Variants in ZNF487 observed in about 807,000 individuals in gnomAD.
ZNF487 encodes KRAB domain only 1.
A neutral mutation model predicts 3.0 loss-of-function variants in ZNF487; 4 were observed. The ratio of observed to expected loss-of-function variants is 1.35; its 90% CI spans 0.66 to 3.08. The LOEUF is 3.08. ZNF487 is among the 30% of genes most tolerant of loss of function. ZNF487 has a pLI of 0.01. For missense variants in ZNF487, 146 were observed against 98.7 expected, an observed-to-expected ratio of 1.48 and a Z score of -2.03; for synonymous variants, 55 against 34.6, an observed-to-expected ratio of 1.59 and a Z score of -2.06.
At chr10:43,490,398 A>T in the ZNF487 span, among the ~76,000 whole-genome samples, 1 of 150,378 alleles carries the variant, frequency 6.6e-6, no homozygotes, top group Non-Finnish European at 1.5e-5. Context: ...ACAAACAAAC[A>T]GATTTTCTCC....
the ZNF487 span, among the ~76,000 whole-genome samples, chr10:43,512,248 G>A: frequency 6.6e-6 from 1 of 152,214 alleles, no homozygotes; most frequent in Admixed American, 6.5e-5. Context: ...GGCCATCGGT[G>A]CAGGCTGGGG....
Position 43,453,723 on chromosome 10 carries a change from T to C in ZNF487, c.-94+16461T>C, listed in dbSNP as rs565025437. The C allele has an allele frequency of 1.4e-4, 22 of 152,314 alleles. No individual in the cohort carries two copies. In the South Asian group the frequency reaches 4.6e-3, roughly 32 times the overall value. 9.4% of individuals were successfully genotyped at this position (152,314 alleles called of 1,614,324 possible). A position where few individuals can be genotyped will look rare whatever the true frequency, so the allele number is the denominator to read the frequency against. On this transcript the variant is annotated intron_variant, in intron 1 of 3. Transcript: ENST00000437590. ...TACTGATCATGACATGCATTTGTTA[T>C]TAATGTGATGATGTGTAGACTGAAG...
At chr10:43,443,241 T>C (rs1158677120) in intron 1 of ZNF487, among the ~76,000 whole-genome samples, 2 of 151,476 alleles carry the variant, frequency 1.3e-5, no homozygotes, top group Non-Finnish European at 1.5e-5. Flanking sequence ...TTTTATAATT[T>C]TTAGGAGAGA....
At position 43,476,854 on chromosome 10, in the gene ZNF487, G is replaced by A. The variant is rs548463855; in HGVS notation, c.130+652G>A. Among the ~76,000 whole-genome samples the A allele has an allele frequency of 5.3e-5, 8 of 152,220 alleles. 1 individual carries two copies. The South Asian group carries it at 1.7e-3, about 32-fold the overall frequency. On this transcript the variant is annotated intron_variant, in intron 3 of 3. Coordinates refer to ENST00000437590, the MANE Select transcript of ZNF487 (RefSeq NM_001355444.3). ...CAGAGAGACTGCTCGCTGAGGTGCC[G>A]ATATATTCGGAAGTTGTAGCCAAAA...
intron 3 of ZNF487, among the ~76,000 whole-genome samples, chr10:43,478,534 C>T (rs575909856): frequency 4.6e-5 from 7 of 152,020 alleles, no homozygotes; most frequent in African/African-American, 1.7e-4. Context: ...GCTTGGGCAA[C>T]GAGAGCGAAA....
the ZNF487 span, among the ~76,000 whole-genome samples, chr10:43,511,444 A>C: frequency 6.6e-6 from 1 of 152,332 alleles, no homozygotes; most frequent in South Asian, 2.1e-4. Flanking sequence ...TGTGCAGGAT[A>C]GGCAAACCCA....
chr10:43,486,456 G>A (rs1253765341), downstream of ZNF487, among the ~76,000 whole-genome samples: 16 of 152,064 alleles, frequency 1.1e-4, no homozygotes, highest in African/African-American at 3.9e-4. Flanking sequence ...AACCTGGGAG[G>A]CGGAGGTTGC....
the ZNF487 span, among the ~76,000 whole-genome samples, chr10:43,495,396 G>A: frequency 1.3e-5 from 2 of 151,732 alleles, no homozygotes; most frequent in Non-Finnish European, 2.9e-5. Context: ...GGTGTATGCC[G>A]CCACACCCAG....
the ZNF487 span, among the ~76,000 whole-genome samples, chr10:43,494,236 T>C: frequency 2.0e-5 from 3 of 152,182 alleles, no homozygotes; most frequent in Non-Finnish European, 4.4e-5. Flanking sequence ...ACACACAAGC[T>C]TGTGTTCTTA....
At chr10:43,489,908 A>T in the ZNF487 span, among the ~76,000 whole-genome samples, 1 of 152,230 alleles carries the variant, frequency 6.6e-6, no homozygotes, top group Non-Finnish European at 1.5e-5. Context: ...ATAGACTTAA[A>T]CAGTCACATC....
At chr10:43,439,767 T>A (rs1839523440) in intron 1 of ZNF487, among the ~76,000 whole-genome samples, 2 of 152,190 alleles carry the variant, frequency 1.3e-5, no homozygotes, top group Non-Finnish European at 2.9e-5. Flanking sequence ...GGATGAATGT[T>A]GACGATATTA....
the ZNF487 span, among the ~76,000 whole-genome samples, chr10:43,494,431 G>A: frequency 2.6e-5 from 4 of 152,088 alleles, no homozygotes; most frequent in South Asian, 2.1e-4. Flanking sequence ...AACTCCTGCC[G>A]GTTCTTACAC....
the ZNF487 span, among the ~76,000 whole-genome samples, chr10:43,500,816 C>A: frequency 6.6e-6 from 1 of 151,928 alleles, no homozygotes; most frequent in Non-Finnish European, 1.5e-5. Flanking sequence ...GTCAGCAAGG[C>A]CTTTAATGGA....
chr10:43,489,809 A>G, the ZNF487 span, among the ~76,000 whole-genome samples: 1 of 152,360 alleles, frequency 6.6e-6, no homozygotes, highest in East Asian at 1.9e-4. Flanking sequence ...GAAGAATCAT[A>G]AAAAATACTA....
At chr10:43,511,970 C>T in the ZNF487 span, among the ~76,000 whole-genome samples, 2 of 152,152 alleles carry the variant, frequency 1.3e-5, no homozygotes, top group South Asian at 2.1e-4. Flanking sequence ...CCAGCCAAAC[C>T]ATTGGCTACA....
At chr10:43,444,896 G>C (rs1193643513) in intron 1 of ZNF487, among the ~76,000 whole-genome samples, 1 of 151,964 alleles carries the variant, frequency 6.6e-6, no homozygotes, top group Non-Finnish European at 1.5e-5. Flanking sequence ...TTATTGTAAG[G>C]GTAGAAAGAT....
At chr10:43,500,113 GA>G in the ZNF487 span, among the ~76,000 whole-genome samples, 1 of 152,120 alleles carries the variant, frequency 6.6e-6, no homozygotes, top group African/African-American at 2.4e-5. Context: ...GACCTCAGGT[GA>G]TCCGCCTGCC....
intron 1 of ZNF487, among the ~76,000 whole-genome samples, chr10:43,470,609 T>C (rs1008613973): frequency 1.3e-5 from 2 of 152,090 alleles, no homozygotes; most frequent in African/African-American, 2.4e-5. Context: ...GGTCTTGAAC[T>C]CCCGACCTCA....
At chr10:43,494,808 G>A in the ZNF487 span, among the ~76,000 whole-genome samples, 2,962 of 143,936 alleles carry the variant, frequency 0.021, 55 homozygotes, top group Non-Finnish European at 0.031. Flanking sequence ...ATGGTAGTGC[G>A]CGCCTGTAAT....
Sources: gnomAD v4.1 joint callset for allele counts (sites outside exome capture counted in the v4.1 genomes callset) on GRCh38, gnomAD v4.1.1 for gene constraint, MANE v1.5 for transcripts, NCBI Gene and HGNC (gene_info 2026-07-23, HGNC 2026-07-21) for gene names.